OTOG: variants seen among roughly 807,000 people sequenced by gnomAD.
OTOG encodes otogelin.
In OTOG, 296 loss-of-function variants were observed where a neutral mutation model predicts 313.8. The ratio of observed to expected loss-of-function variants is 0.94; its 90% CI spans 0.86 to 1.04. The LOEUF (loss-of-function observed/expected upper bound fraction) is 1.04. Among genes scored for constraint, OTOG ranks in the 50% least tolerant of loss-of-function variants. OTOG has a pLI of 0.00. For missense variants in OTOG, 3,948 were observed against 3,840.1 expected (o/e 1.03, Z -0.74); for synonymous variants, 1,533 against 1,554.9 (o/e 0.99, Z 0.33).
At chr11:17,639,383 A>G in intron 48 of OTOG, 40 bp from the exon 49 acceptor site, 2 of 1,549,664 alleles carry the variant, frequency 1.3e-6, no homozygotes, top group Non-Finnish European at 1.7e-6. Flanking sequence ...CTACCTGGAC[A>G]TCCCTGATGA....
At position 17,570,252 on chromosome 11, in the gene OTOG, G is replaced by T; in HGVS notation, c.1817G>T (p.Arg606Leu). 1 of 1,550,864 alleles carries T rather than the reference G, an allele frequency of 6.4e-7. No individual in the cohort carries two copies. ...EIRRLSSVFL[R>L]VRTNVGVRVL... Reference sequence around the variant, plus strand: ...CGTAGGCTGTCCTCCGTGTTCCTGCGGGTGAGGACGAACGTGGGCGTGCGG... The same window carrying T: ...CGTAGGCTGTCCTCCGTGTTCCTGCTGGTGAGGACGAACGTGGGCGTGCGG... The change falls in exon 17 of 56, where the codon CGG becomes CTG. Residue 606 changes from arginine (R) to leucine (L), a missense_variant. By Grantham distance (102) the Arg-to-Leu change is moderately radical. Transcript: ENST00000399397.
At chr11:17,563,784 G>A (rs1166383194) in intron 15 of OTOG, among the ~76,000 whole-genome samples, 2 of 149,810 alleles carry the variant, frequency 1.3e-5, no homozygotes, top group South Asian at 2.1e-4. Context: ...AGGCTCAGTC[G>A]CTCTTCCCAC....
At chr11:17,580,733 G>A (rs1852646636) in intron 23 of OTOG, among the ~76,000 whole-genome samples, 1 of 152,210 alleles carries the variant, frequency 6.6e-6, no homozygotes, top group Non-Finnish European at 1.5e-5. Context: ...AGAGGGGCAA[G>A]AAACCAATAT....
rs762802351 is a variant in OTOG, at chr11:17,572,132, A to G, written c.2008A>G (p.Lys670Glu). 7.7e-6 allele frequency: 12 copies of G among 1,550,464 alleles called. No homozygotes were observed. In the South Asian group the frequency reaches 1.3e-4, roughly 17 times the overall value. The stretch of plus-strand genomic sequence containing the variant: ...CCCACAACTTTTTGGCAATTCCTGG[A>G]AAACACTTTCTGCTTGCTCCCCGCT... ...STPQLFGNSW[K>E]TLSACSPLVS... Residue 670 changes from lysine (K) to glutamate (E), a missense_variant, in exon 18 of 56, where the codon AAA becomes GAA. Transcript: ENST00000399397.
intron 39 of OTOG, among the ~76,000 whole-genome samples, chr11:17,620,096 G>A (rs184831274): frequency 1.3e-5 from 2 of 152,024 alleles, no homozygotes; most frequent in African/African-American, 2.4e-5. Flanking sequence ...AGGAGAAATT[G>A]ACAAAACATA....
chr11:17,572,239 A>C, intron 18 of OTOG, 35 bp downstream of exon 18: 1 of 1,548,740 alleles, frequency 6.5e-7, no homozygotes, highest in Non-Finnish European at 8.7e-7. Flanking sequence ...GGCATGGTTG[A>C]GTGGGGTGGG....
chr11:17,622,360 C>A (rs1359598924), intron 39 of OTOG, among the ~76,000 whole-genome samples: 2 of 152,074 alleles, frequency 1.3e-5, no homozygotes, highest in Non-Finnish European at 2.9e-5. Flanking sequence ...AACATTTATC[C>A]TTTGTGTTAC....
chr11:17,616,165 C>G (rs113767966), intron 39 of OTOG, among the ~76,000 whole-genome samples: 1 of 151,852 alleles, frequency 6.6e-6, no homozygotes, highest in South Asian at 2.1e-4. Flanking sequence ...GCTCAGCAAT[C>G]CCCCCACCTC....
At chr11:17,631,387 T>G (rs1347112209) in intron 40 of OTOG, among the ~76,000 whole-genome samples, 2 of 135,362 alleles carry the variant, frequency 1.5e-5, no homozygotes, top group African/African-American at 6.0e-5. Flanking sequence ...TCTGTGTGTG[T>G]GTGGGGGGGG....
intron 30 of OTOG, among the ~76,000 whole-genome samples, chr11:17,599,377 AC>A (rs894519877): frequency 6.6e-6 from 1 of 152,158 alleles, no homozygotes; most frequent in Non-Finnish European, 1.5e-5. Context: ...CACACAAAAT[AC>A]ACCTGCTTCT....
chr11:17,553,365 T>C lies in OTOG; in HGVS notation c.386T>C (p.Val129Ala), dbSNP rs1056702394. ...FNATGPRCQM[V>A]YNAGPERDSI... Reference sequence around the variant, plus strand: ...AGAGGTTCTCTTTTCTCTCCCTCAGTGTACAATGCCGGCCCTGAGAGGGAC... The same window carrying C: ...AGAGGTTCTCTTTTCTCTCCCTCAGCGTACAATGCCGGCCCTGAGAGGGAC... The change falls in exon 6 of 56, where the codon GTG becomes GCG. Residue 129 changes from valine (V) to alanine (A), a missense_variant and splice_region_variant. Val to Ala is a moderately conservative substitution (Grantham distance 64). Coordinates refer to ENST00000399397, the MANE Select transcript of OTOG (RefSeq NM_001292063.2). 3.4e-6 allele frequency: 5 copies of C among 1,464,906 alleles called. No individual in the cohort carries two copies. Among genetic ancestry groups the C allele is most frequent in the African/African-American group, 2.8e-5 (2 of 70,274 alleles). 90.7% of individuals were successfully genotyped at this position (1,464,906 alleles called of 1,614,324 possible). A position where few individuals can be genotyped will look rare whatever the true frequency, so the allele number is the denominator to read the frequency against.
chr11:17,558,348 A>G (rs992665806), intron 9 of OTOG, 33 bp downstream of exon 9: 4 of 1,547,864 alleles, frequency 2.6e-6, no homozygotes, highest in Non-Finnish European at 3.5e-6. Context: ...CCCCTACCCT[A>G]GAGCCTGACT....
Position 17,610,337 on chromosome 11 carries a change from A to T in OTOG, c.5037A>T (p.Thr1679=), listed in dbSNP as rs970646441. 3 of 1,550,608 alleles carry T rather than the reference A, an allele frequency of 1.9e-6. No homozygotes were observed. Among genetic ancestry groups the T allele is most frequent in the Non-Finnish European group, 8.7e-7 (1 of 1,147,008 alleles). Residue 1679 remains threonine (T), a synonymous_variant, in exon 36 of 56, where the codon ACA becomes ACT. Coordinates refer to ENST00000399397, the MANE Select transcript of OTOG (RefSeq NM_001292063.2). The part of the protein sequence containing the change: ...TPAVTKVISR[T]GVPQPTQAQS... Reference sequence around the variant, plus strand: ...CAGTAACTAAGGTCATAAGCAGGACAGGGGTCCCCCAGCCCACCCAGGCCC... The same window carrying T: ...CAGTAACTAAGGTCATAAGCAGGACTGGGGTCCCCCAGCCCACCCAGGCCC...
At chr11:17,581,408 G>A (rs1031329899) in intron 23 of OTOG, among the ~76,000 whole-genome samples, 15 of 152,188 alleles carry the variant, frequency 9.9e-5, no homozygotes, top group African/African-American at 3.6e-4. Flanking sequence ...TCAGTGAAAA[G>A]CAAGTGGAAT....
chr11:17,638,419 C>A, intron 47 of OTOG, 32 bp from the exon 48 acceptor site: 1 of 1,510,128 alleles, frequency 6.6e-7, no homozygotes, highest in South Asian at 1.2e-5. Flanking sequence ...GTGCCTGTGA[C>A]TGACGTGTCA....
In OTOG at chr11:17,597,767, G is replaced by A. The variant is rs1853150323; in HGVS notation, c.3682+760G>A. On this transcript the variant is annotated intron_variant, in intron 30 of 55. Coordinates refer to ENST00000399397, the MANE Select transcript of OTOG (RefSeq NM_001292063.2). Reference sequence around the variant, plus strand: ...CCACGCACCAAAGGATTTTCCTCGTGCAAGCACCTCACCTTGGGGTGCGAT... The same window carrying A: ...CCACGCACCAAAGGATTTTCCTCGTACAAGCACCTCACCTTGGGGTGCGAT... Among the ~76,000 whole-genome samples, 5 of 152,246 alleles carry A rather than the reference G, an allele frequency of 3.3e-5. No individual in the cohort carries two copies. In the South Asian group the frequency reaches 1.0e-3, roughly 32 times the overall value.
At chr11:17,620,851 A>T (rs1036186807) in intron 39 of OTOG, among the ~76,000 whole-genome samples, 1 of 152,132 alleles carries the variant, frequency 6.6e-6, no homozygotes, top group Non-Finnish European at 1.5e-5. Flanking sequence ...TATTGCTCTA[A>T]GTTCATTAAT....
intron 31 of OTOG, among the ~76,000 whole-genome samples, chr11:17,600,187 A>G (rs1056080378): frequency 2.0e-5 from 3 of 150,356 alleles, no homozygotes; most frequent in Non-Finnish European, 1.5e-5. Context: ...ATGCTCTGAC[A>G]TTTAGATTAA....
At chr11:17,602,105 T>G in intron 31 of OTOG, 105 bp from the exon 32 acceptor site, 1 of 1,274,606 alleles carries the variant, frequency 7.8e-7, no homozygotes, top group Non-Finnish European at 1.1e-6. Context: ...AGTTCCTCCT[T>G]GGTAGCTTGC....
Sources: gnomAD v4.1 joint callset for allele counts (sites outside exome capture counted in the v4.1 genomes callset) on GRCh38, gnomAD v4.1.1 for gene constraint, MANE v1.5 for transcripts, NCBI Gene and HGNC (gene_info 2026-07-23, HGNC 2026-07-21) for gene names.